ZBTB16: variants seen among roughly 807,000 people sequenced by gnomAD.
ZBTB16 encodes the protein zinc finger and BTB domain containing 16, also known as zinc finger and BTB domain-containing protein 16.
ZBTB16 carries 8 observed loss-of-function variants against 56.8 expected under a neutral mutation model. The observed-to-expected ratio is 0.14, with a 90% CI of 0.08 to 0.25. The LOEUF (loss-of-function observed/expected upper bound fraction) is 0.25. Among genes scored for constraint, ZBTB16 ranks in the 10% least tolerant of loss-of-function variants. ZBTB16 has a pLI of 1.00. For synonymous variants in ZBTB16, 363 were observed against 368.5 expected, an observed-to-expected ratio of 0.98 and a Z score of 0.17; for missense variants, 625 against 903.0, an observed-to-expected ratio of 0.69 and a Z score of 3.95.
At chr11:114,187,834 GAGC>G (rs968646023) in intron 4 of ZBTB16, 10 of 153,152 alleles carry the variant, frequency 6.5e-5, no homozygotes, top group Non-Finnish European at 1.4e-4. Flanking sequence ...CCTCATGTCA[GAGC>G]AGCAGCAGCA....
intron 2 of ZBTB16, among the ~76,000 whole-genome samples, chr11:114,097,307 G>A (rs1940453060): frequency 6.6e-6 from 1 of 152,160 alleles, no homozygotes; most frequent in Non-Finnish European, 1.5e-5. Context: ...TGGGGAGAGA[G>A]GGGAATGGGG....
chr11:114,081,316 C>G (rs1375217927), intron 2 of ZBTB16, among the ~76,000 whole-genome samples: 1 of 152,170 alleles, frequency 6.6e-6, no homozygotes, highest in Admixed American at 6.5e-5. Flanking sequence ...GATTTACAGA[C>G]AATGCCCTAT....
intron 3 of ZBTB16, among the ~76,000 whole-genome samples, chr11:114,170,049 G>T (rs1942913958): frequency 6.6e-6 from 1 of 152,174 alleles, no homozygotes; most frequent in Non-Finnish European, 1.5e-5. Flanking sequence ...GGCCTCCTTG[G>T]CCTGGAGGTT....
In ZBTB16 at chr11:114,190,425, G is replaced by A. The variant is rs571639171; in HGVS notation, c.1453+3387G>A. On this transcript the variant is annotated intron_variant, in intron 4 of 6. Transcript: ENST00000335953. ...AGAACACTTACATTAGCCAACAGTTGGGTAAAATCATCTAATATAAAACCT... is the reference window on the plus strand; with the variant it reads ...AGAACACTTACATTAGCCAACAGTTAGGTAAAATCATCTAATATAAAACCT... Among the ~76,000 whole-genome samples the A allele has an allele frequency of 2.0e-5, 3 of 152,150 alleles. 1 individual carries two copies. The highest frequency in any genetic ancestry group is 4.2e-4 in the South Asian group (2 of 4,808).
Position 114,063,163 on chromosome 11 carries a change from C to T in ZBTB16, c.-90-48C>T. ...CTTTTAGGGACACTGATGAATTTGT[C>T]TTTTGTTCTCTCATCTCTTTTGCTT... On this transcript the variant is annotated intron_variant, in intron 1 of 6. Transcript: ENST00000335953. This position sits in a 1 kb window ranked among gnomAD's most constrained non-coding sequence, Gnocchi z 6.5. The T allele has an allele frequency of 2.1e-6, 2 of 958,762 alleles. No homozygotes were observed. The highest frequency in any genetic ancestry group is 2.2e-5 in the Admixed American group (1 of 46,052). 59.4% of individuals were successfully genotyped at this position (958,762 alleles called of 1,614,324 possible). A position where few individuals can be genotyped will look rare whatever the true frequency, so the allele number is the denominator to read the frequency against.
At chr11:114,155,168 T>C (rs1164557209) in intron 2 of ZBTB16, among the ~76,000 whole-genome samples, 2 of 152,266 alleles carry the variant, frequency 1.3e-5, no homozygotes. Context: ...TTTTCCCTTC[T>C]GCCTGCCCCA....
At chr11:114,161,705 G>A (rs1487301938) in intron 3 of ZBTB16, among the ~76,000 whole-genome samples, 2 of 152,224 alleles carry the variant, frequency 1.3e-5, no homozygotes, top group Admixed American at 6.5e-5. Flanking sequence ...TACATCTGTG[G>A]AAGGAATAGC....
intron 4 of ZBTB16, among the ~76,000 whole-genome samples, chr11:114,213,509 TCTG>T (rs1298792111): frequency 6.6e-6 from 1 of 152,218 alleles, no homozygotes; most frequent in Non-Finnish European, 1.5e-5. Context: ...TGAAGAAAGA[TCTG>T]CTTCTTGCTC....
intron 3 of ZBTB16, among the ~76,000 whole-genome samples, chr11:114,172,060 G>A (rs1410099047): frequency 6.6e-6 from 1 of 152,198 alleles, no homozygotes; most frequent in African/African-American, 2.4e-5. Flanking sequence ...GGCCTTGGAC[G>A]TGCCTTTCAC....
At chr11:114,069,307 G>C (rs534581122) in intron 2 of ZBTB16, among the ~76,000 whole-genome samples, 2 of 151,744 alleles carry the variant, frequency 1.3e-5, no homozygotes, top group Admixed American at 6.6e-5. Context: ...GTATGGTCTC[G>C]ATCTCCTGAA....
At chr11:114,167,216 G>GTGTTTTTTTTTTTGTTT (rs1942782915) in intron 3 of ZBTB16, among the ~76,000 whole-genome samples, 1 of 79,940 alleles carries the variant, frequency 1.3e-5, no homozygotes, top group Non-Finnish European at 2.6e-5. Context: ...TGGATTTGTG[G>GTGTTTTTTTTTTTGTTT]TTTTTTTTTT....
Position 114,252,204 on chromosome 11 carries a change from C to T in ZBTB16, c.*1649C>T, listed in dbSNP as rs1373515429. Among the ~76,000 whole-genome samples, 1 of 152,130 alleles carries T rather than the reference C, an allele frequency of 6.6e-6. No individual in the cohort carries two copies. Among genetic ancestry groups the T allele is most frequent in the African/African-American group, 2.4e-5 (1 of 41,412 alleles). On this transcript the variant is annotated 3_prime_UTR_variant, in exon 7 of 7. Coordinates refer to ENST00000335953, the MANE Select transcript of ZBTB16 (RefSeq NM_006006.6). Reference sequence around the variant, plus strand: ...TGGCTCCGCTGGTGCATGAAGTCACCTGTGGCCACCATCCGTTCCGCCTAA... The same window carrying T: ...TGGCTCCGCTGGTGCATGAAGTCACTTGTGGCCACCATCCGTTCCGCCTAA...
chr11:114,159,938 G>GGGGC (rs1555145916), intron 3 of ZBTB16, among the ~76,000 whole-genome samples: 3 of 65,678 alleles, frequency 4.6e-5, no homozygotes, highest in East Asian at 3.5e-4. Context: ...CGGGGGAGGC[G>GGGGC]GGGGGGAGGC....
At chr11:114,203,562 A>AC (rs555127767) in intron 4 of ZBTB16, among the ~76,000 whole-genome samples, 49 of 142,174 alleles carry the variant, frequency 3.4e-4, no homozygotes, top group Non-Finnish European at 3.2e-4. Context: ...GTTAAAAACA[A>AC]CCCCCCCGCC....
chr11:114,115,776 C>A (rs918740441), intron 2 of ZBTB16, among the ~76,000 whole-genome samples: 1 of 152,194 alleles, frequency 6.6e-6, no homozygotes, highest in African/African-American at 2.4e-5. Flanking sequence ...GCTGACGGCC[C>A]GCTAATTTGT....
intron 4 of ZBTB16, among the ~76,000 whole-genome samples, chr11:114,203,693 C>T (rs941684365): frequency 6.6e-6 from 1 of 151,938 alleles, no homozygotes; most frequent in Admixed American, 6.6e-5. Context: ...ACAGACTTAA[C>T]CCAACCTCCT....
Position 114,251,070 on chromosome 11 carries a change from C to T in ZBTB16, c.*515C>T, listed in dbSNP as rs1234056437. ...GCAGCTCTAGTTTGCTGGCGGCTGA[C>T]TGGGGAGGAGAAGGGCTCTGTTTCT... is the stretch of plus-strand genomic sequence containing the variant. On this transcript the variant is annotated 3_prime_UTR_variant, in exon 7 of 7. Coordinates refer to ENST00000335953, the MANE Select transcript of ZBTB16 (RefSeq NM_006006.6). 6.6e-6 allele frequency among the ~76,000 whole-genome samples: 1 copy of T among 152,156 alleles called. No individual in the cohort carries two copies. Among genetic ancestry groups the T allele is most frequent in the Non-Finnish European group, 1.5e-5 (1 of 68,022 alleles).
chr11:114,118,363 G>C (rs1307008624), intron 2 of ZBTB16, among the ~76,000 whole-genome samples: 1 of 152,090 alleles, frequency 6.6e-6, no homozygotes, highest in Non-Finnish European at 1.5e-5. Context: ...TTTTAGTAGA[G>C]ACAGGGTTTT....
At chr11:114,081,852 T>TGTG (rs1213564610) in intron 2 of ZBTB16, among the ~76,000 whole-genome samples, 1 of 152,098 alleles carries the variant, frequency 6.6e-6, no homozygotes, top group Non-Finnish European at 1.5e-5. Context: ...GGGGTCAGAC[T>TGTG]GTGGTGCTAT....
Sources: gnomAD v4.1 joint callset for allele counts (sites outside exome capture counted in the v4.1 genomes callset) on GRCh38, gnomAD v4.1.1 for gene constraint, Gnocchi (gnomAD v3.1) non-coding constraint, MANE v1.5 for transcripts, NCBI Gene and HGNC (gene_info 2026-07-23, HGNC 2026-07-21) for gene names.